ALPK2: variants seen among roughly 807,000 people sequenced by gnomAD.
ALPK2 encodes alpha kinase 2.
In ALPK2, 127 loss-of-function variants were observed where a neutral mutation model predicts 163.1. That is an observed-to-expected ratio of 0.78 (90% CI 0.67 to 0.90). ALPK2 has a LOEUF of 0.90. Ranked by LOEUF, ALPK2 falls within the 40% of genes least tolerant of loss-of-function variation. ALPK2 has a pLI of 0.00. For synonymous variants in ALPK2, 953 were observed against 959.1 expected (o/e 0.99, Z 0.12); for missense variants, 2,360 against 2,589.6 (o/e 0.91, Z 1.92).
At chr18:58,554,181 T>A (rs2051776715) in intron 4 of ALPK2, among the ~76,000 whole-genome samples, 2 of 152,140 alleles carry the variant, frequency 1.3e-5, no homozygotes, top group African/African-American at 4.8e-5. Flanking sequence ...TTTACGGCAG[T>A]ATGAAAACAG....
intron 3 of ALPK2, among the ~76,000 whole-genome samples, chr18:58,583,348 C>T (rs1424637050): frequency 6.6e-6 from 1 of 152,012 alleles, no homozygotes; most frequent in Non-Finnish European, 1.5e-5. Flanking sequence ...AACACCCTTC[C>T]TGTCATGGCC....
intron 1 of ALPK2, among the ~76,000 whole-genome samples, chr18:58,613,708 A>AAAATAATAAT (rs1296907485): frequency 1.1e-5 from 1 of 95,216 alleles, no homozygotes; most frequent in Non-Finnish European, 2.2e-5. Context: ...CAAAAAAAAA[A>AAAATAATAAT]AATAATAATA....
chr18:58,489,413 A>G (rs1457510203), intron 12 of ALPK2, among the ~76,000 whole-genome samples: 1 of 152,130 alleles, frequency 6.6e-6, no homozygotes, highest in African/African-American at 2.4e-5. Context: ...TTGGTATGGT[A>G]GGTAGCTCAC....
rs368495288 is a variant in ALPK2 at position 58,517,179 on chromosome 18, C to T, written c.5669G>A (p.Cys1890Tyr). ...GAGTTGGCTGAATTCAATCTCTTCA[C>T]ATCCTGAAACACAGCACAGCTTTGG... is the stretch of plus-strand genomic sequence containing the variant. ...QLSSRQDTKGCEEIEFSQLIF... is the reference protein window; with the variant it reads ...QLSSRQDTKGYEEIEFSQLIF... Residue 1890 changes from cysteine to tyrosine, a missense_variant, in exon 9 of 13, where the codon TGT becomes TAT. Coordinates refer to ENST00000361673, the MANE Select transcript of ALPK2 (RefSeq NM_052947.4). 9 of 1,613,036 alleles carry T rather than the reference C, an allele frequency of 5.6e-6. No homozygotes were observed. Among genetic ancestry groups the T allele is most frequent in the Non-Finnish European group, 7.6e-6 (9 of 1,179,164 alleles).
chr18:58,515,837 G>A (rs1241766676), intron 9 of ALPK2, among the ~76,000 whole-genome samples: 1 of 152,186 alleles, frequency 6.6e-6, no homozygotes, highest in African/African-American at 2.4e-5. Flanking sequence ...TGTTTTAGAT[G>A]TTTATGGTAA....
intron 3 of ALPK2, among the ~76,000 whole-genome samples, chr18:58,593,550 A>C (rs1255382856): frequency 7.9e-6 from 1 of 126,770 alleles, no homozygotes; most frequent in African/African-American, 3.1e-5. Context: ...GGTGACAGGA[A>C]GGGACTCTGT....
chr18:58,583,751 A>G lies in ALPK2; in HGVS notation c.228-3203T>C, dbSNP rs201271792. ...AGACTTTGTCTCAAAAAAAAAAAAA[A>G]AAAGAAAGAAAGAAAAAGGCGGGGG... is the stretch of plus-strand genomic sequence containing the variant. On this transcript the variant is annotated intron_variant, in intron 3 of 12. Transcript: ENST00000361673. Among the ~76,000 whole-genome samples, 27 of 135,434 alleles carry G rather than the reference A, an allele frequency of 2.0e-4. No homozygotes were observed. The South Asian group carries it at 2.5e-3, about 13-fold the overall frequency. 88.8% of individuals were successfully genotyped at this position (135,434 alleles called of 152,430 possible). A position where few individuals can be genotyped will look rare whatever the true frequency, so the allele number is the denominator to read the frequency against.
intron 3 of ALPK2, among the ~76,000 whole-genome samples, chr18:58,590,355 C>T (rs534605769): frequency 1.5e-3 from 224 of 152,124 alleles, no homozygotes; most frequent in African/African-American, 5.2e-3. Context: ...TCTGGAAACA[C>T]GAGGTCTGTA....
At chr18:58,570,436 C>T (rs1310983596) in intron 4 of ALPK2, among the ~76,000 whole-genome samples, 1 of 152,226 alleles carries the variant, frequency 6.6e-6, no homozygotes, top group African/African-American at 2.4e-5. Flanking sequence ...GCCTGTACCA[C>T]CTGCCTAGTA....
At chr18:58,527,792 G>A (rs1256021991) in intron 6 of ALPK2, among the ~76,000 whole-genome samples, 1 of 152,176 alleles carries the variant, frequency 6.6e-6, no homozygotes, top group South Asian at 2.1e-4. Context: ...AGGCAAAGTG[G>A]TTATGCTATC....
rs573069276 is a variant in ALPK2, at chr18:58,518,774, A to T, written c.5666-1592T>A. Among the ~76,000 whole-genome samples the T allele has an allele frequency of 2.6e-5, 4 of 152,316 alleles. No homozygotes were observed. The East Asian group carries it at 5.8e-4, about 22-fold the overall frequency. ...TGGGAGATTTTCCAGGGCTGTGGAAATGCCTTTCCACAAGCTACTGCCCTT... is the reference window on the plus strand; with the variant it reads ...TGGGAGATTTTCCAGGGCTGTGGAATTGCCTTTCCACAAGCTACTGCCCTT... On this transcript the variant is annotated intron_variant, in intron 8 of 12. Coordinates refer to ENST00000361673, the MANE Select transcript of ALPK2 (RefSeq NM_052947.4).
At chr18:58,506,801 TG>T (rs1313048488) in intron 10 of ALPK2, among the ~76,000 whole-genome samples, 2 of 152,212 alleles carry the variant, frequency 1.3e-5, no homozygotes, top group Non-Finnish European at 2.9e-5. Context: ...CAGTTCTCTG[TG>T]GGGGTGGCAG....
intron 5 of ALPK2, among the ~76,000 whole-genome samples, chr18:58,532,551 G>A (rs1366283300): frequency 1.3e-5 from 2 of 152,178 alleles, no homozygotes; most frequent in African/African-American, 4.8e-5. Flanking sequence ...AGCTGTGGAT[G>A]CCAGCACCAC....
chr18:58,566,067 C>T (rs137872204), intron 4 of ALPK2, among the ~76,000 whole-genome samples: 168 of 152,312 alleles, frequency 1.1e-3, no homozygotes, highest in African/African-American at 3.9e-3. Context: ...AGGCGTGAGC[C>T]ACTGCACCAG....
chr18:58,587,011 C>T (rs1171165616), intron 3 of ALPK2, among the ~76,000 whole-genome samples: 5 of 152,024 alleles, frequency 3.3e-5, no homozygotes, highest in Non-Finnish European at 5.9e-5. Context: ...ATTCTGAGCT[C>T]GCAGCTCTAA....
chr18:58,507,855 G>T (rs2051469560), intron 10 of ALPK2, among the ~76,000 whole-genome samples: 1 of 152,096 alleles, frequency 6.6e-6, no homozygotes, highest in Non-Finnish European at 1.5e-5. Context: ...CCAAAACAAA[G>T]CACCTCCTTA....
At chr18:58,562,814 G>A (rs1267573088) in intron 4 of ALPK2, among the ~76,000 whole-genome samples, 1 of 152,228 alleles carries the variant, frequency 6.6e-6, no homozygotes, top group African/African-American at 2.4e-5. Flanking sequence ...ACTTGCAGGT[G>A]GCTGCCTTCT....
rs758870745 is a variant in ALPK2 at position 58,607,380 on chromosome 18, T to G, written c.169A>C (p.Ile57Leu). Residue 57 changes from isoleucine (I) to leucine (L), a missense_variant, in exon 3 of 13, where the codon ATT (isoleucine) becomes CTT (leucine). By Grantham distance (5) the Ile-to-Leu change is conservative. Transcript: ENST00000361673. ...TCAAAGAATTCATAGTTGGAAATAA[T>G]GCCACTCCCATCGATGGCCTGACCA... ...KNGQAIDGSG[I>L]ISNYEFFENQ... 1 of 1,613,816 alleles carries G rather than the reference T, an allele frequency of 6.2e-7. No individual in the cohort carries two copies. Among genetic ancestry groups the G allele is most frequent in the Non-Finnish European group, 8.5e-7 (1 of 1,179,894 alleles).
At chr18:58,528,234 ATTATC>A (rs2051593884) in intron 6 of ALPK2, among the ~76,000 whole-genome samples, 1 of 152,056 alleles carries the variant, frequency 6.6e-6, no homozygotes. Context: ...TCTCTCCTTT[ATTATC>A]TTAAGGACAT....
Sources: gnomAD v4.1 joint callset for allele counts (sites outside exome capture counted in the v4.1 genomes callset) on GRCh38, gnomAD v4.1.1 for gene constraint, MANE v1.5 for transcripts, NCBI Gene and HGNC (gene_info 2026-07-23, HGNC 2026-07-21) for gene names.